The following SELENOI variants were observed in gnomAD, a reference collection of about 807,000 sequenced individuals.
SELENOI encodes selenoprotein I.
Under a neutral mutation model 50.7 loss-of-function variants are expected in SELENOI, and 24 were observed. The ratio of observed to expected loss-of-function variants is 0.47; its 90% CI spans 0.34 to 0.67. The LOEUF (loss-of-function observed/expected upper bound fraction) is 0.67. Among genes scored for constraint, SELENOI ranks in the 30% least tolerant of loss-of-function variants. The pLI is 0.01. For synonymous variants in SELENOI, 155 were observed against 170.2 expected (o/e 0.91, Z 0.70); for missense variants, 352 against 461.4 (o/e 0.76, Z 2.17).
chr2:26,357,224 A>T (rs529755228), intron 1 of SELENOI, among the ~76,000 whole-genome samples: 2 of 152,164 alleles, frequency 1.3e-5, no homozygotes, highest in Non-Finnish European at 2.9e-5. Flanking sequence ...TGAACTTCAT[A>T]TAAGTGGAAT....
chr2:26,361,439 T>A (rs34771649), intron 1 of SELENOI, among the ~76,000 whole-genome samples: 84,594 of 151,876 alleles, frequency 0.56, 25,138 homozygotes, highest in African/African-American at 0.72. Flanking sequence ...AATGTACTGT[T>A]ATTACATTTA....
chr2:26,371,957 C>G (rs1262238188), intron 4 of SELENOI, among the ~76,000 whole-genome samples: 1 of 152,138 alleles, frequency 6.6e-6, no homozygotes, highest in East Asian at 1.9e-4. Context: ...TATCTCTTAT[C>G]AGCTGAAATC....
In SELENOI at chr2:26,392,061, G is replaced by T. The variant is rs552169908; in HGVS notation, c.*2958G>T. ...TTCAAAAGAAAGCTAAATGCTGATT[G>T]TGGTTTAGGATGTTACAGTACTAAT... is the stretch of plus-strand genomic sequence containing the variant. On this transcript the variant is annotated 3_prime_UTR_variant, in exon 10 of 10. Transcript: ENST00000260585. 4.6e-5 allele frequency: 7 copies of T among 152,144 alleles called. No homozygotes were observed. The highest frequency in any genetic ancestry group is 7.3e-5 in the Non-Finnish European group (5 of 68,030). 9.4% of individuals were successfully genotyped at this position (152,144 alleles called of 1,614,324 possible).
rs1676739040 is a variant in SELENOI at position 26,346,167 on chromosome 2, T to TG, written c.-65dup. Reference sequence around the variant, plus strand: ...TGCCATCCTTGCCCAGCCGGTGTGGTGCTTGTGTGTCACAGCCTTGTAGCC... The same window carrying TG: ...TGCCATCCTTGCCCAGCCGGTGTGGTGGCTTGTGTGTCACAGCCTTGTAGCC... On this transcript the variant is annotated 5_prime_UTR_variant, in exon 1 of 10. Coordinates refer to ENST00000260585, the MANE Select transcript of SELENOI (RefSeq NM_033505.4). The TG allele has an allele frequency of 1.2e-6, 2 of 1,611,524 alleles. No individual in the cohort carries two copies. Among genetic ancestry groups the TG allele is most frequent in the East Asian group, 4.5e-5 (2 of 44,812 alleles).
chr2:26,351,300 C>T (rs530401266), intron 1 of SELENOI, among the ~76,000 whole-genome samples: 3 of 152,178 alleles, frequency 2.0e-5, no homozygotes, highest in South Asian at 2.1e-4. Flanking sequence ...TCAGGTGATC[C>T]GCCTGCCTTG....
chr2:26,354,858 C>T (rs1677034399), intron 1 of SELENOI, among the ~76,000 whole-genome samples: 1 of 152,102 alleles, frequency 6.6e-6, no homozygotes, highest in Admixed American at 6.6e-5. Context: ...GGCAAGCGGG[C>T]CTGAATTTAC....
At chr2:26,362,445 A>G (rs554268615) in intron 1 of SELENOI, among the ~76,000 whole-genome samples, 6 of 152,326 alleles carry the variant, frequency 3.9e-5, no homozygotes, top group African/African-American at 1.4e-4. Flanking sequence ...TTTTGTATAC[A>G]TACTGAACAC....
intron 4 of SELENOI, among the ~76,000 whole-genome samples, chr2:26,371,945 T>C (rs1677463898): frequency 1.3e-5 from 2 of 152,168 alleles, no homozygotes; most frequent in African/African-American, 2.4e-5. Context: ...GACATACTTC[T>C]TTATCTCTTA....
At chr2:26,381,355 A>G (rs1677697463) in intron 6 of SELENOI, among the ~76,000 whole-genome samples, 1 of 151,546 alleles carries the variant, frequency 6.6e-6, no homozygotes, top group Admixed American at 6.6e-5. Flanking sequence ...CTCTACTTGA[A>G]ACATAGAGCT....
At chr2:26,355,891 C>G (rs1387080117) in intron 1 of SELENOI, among the ~76,000 whole-genome samples, 1 of 151,780 alleles carries the variant, frequency 6.6e-6, no homozygotes, top group African/African-American at 2.4e-5. Flanking sequence ...CAGTCATACG[C>G]CACCACACCT....
rs568560077 is a variant in SELENOI at position 26,352,445 on chromosome 2, G to A, written c.57+6156G>A. Reference sequence around the variant, plus strand: ...CAGGTTGACCTGCACACTGAATTTAGCCAACAGTTATGTTTAATTTGGCCC... The same window carrying A: ...CAGGTTGACCTGCACACTGAATTTAACCAACAGTTATGTTTAATTTGGCCC... On this transcript the variant is annotated intron_variant, in intron 1 of 9. Coordinates refer to ENST00000260585, the MANE Select transcript of SELENOI (RefSeq NM_033505.4). Among the ~76,000 whole-genome samples, 3 of 152,300 alleles carry A rather than the reference G, an allele frequency of 2.0e-5. No homozygotes were observed. The East Asian group carries it at 5.8e-4, about 29-fold the overall frequency.
At chr2:26,378,928 T>C (rs1287694834) in intron 6 of SELENOI, among the ~76,000 whole-genome samples, 6 of 152,210 alleles carry the variant, frequency 3.9e-5, no homozygotes, top group Non-Finnish European at 8.8e-5. Flanking sequence ...TTGATGTATT[T>C]CTATAGCTGC....
intron 1 of SELENOI, among the ~76,000 whole-genome samples, chr2:26,347,975 A>G (rs373658882): frequency 5.3e-5 from 8 of 152,206 alleles, no homozygotes; most frequent in African/African-American, 7.2e-5. Context: ...CAAGCGTCCA[A>G]TGTTCACTAA....
chr2:26,364,454 C>A, intron 2 of SELENOI, 84 bp downstream of exon 2: 1 of 861,714 alleles, frequency 1.2e-6, no homozygotes, highest in Non-Finnish European at 1.8e-6. Context: ...ATAAATGCAA[C>A]TCTCAGTTTC....
At chr2:26,361,167 T>A (rs918366354) in intron 1 of SELENOI, among the ~76,000 whole-genome samples, 1 of 152,152 alleles carries the variant, frequency 6.6e-6, no homozygotes, top group Non-Finnish European at 1.5e-5. Flanking sequence ...TGAGCCAAGA[T>A]CGCGCCACTG....
rs1678033661 is a variant in SELENOI, at chr2:26,394,218, C to A, written c.*5115C>A. On this transcript the variant is annotated 3_prime_UTR_variant, in exon 10 of 10. Coordinates refer to ENST00000260585, the MANE Select transcript of SELENOI (RefSeq NM_033505.4). The surrounding 1 kb of genome is among the most constrained non-coding windows in gnomAD (Gnocchi z 4.1). ...CCAACCTGAGCAACATGGCGAAACC[C>A]CGTCTGTAATAAAAATACAAAAAAA... is the stretch of plus-strand genomic sequence containing the variant. 2 of 152,022 alleles carry A rather than the reference C, an allele frequency of 1.3e-5. No individual in the cohort carries two copies. Among genetic ancestry groups the A allele is most frequent in the African/African-American group, 4.8e-5 (2 of 41,380 alleles). 9.4% of individuals were successfully genotyped at this position (152,022 alleles called of 1,614,324 possible).
intron 1 of SELENOI, among the ~76,000 whole-genome samples, chr2:26,355,216 T>C (rs1458202421): frequency 1.3e-5 from 2 of 152,222 alleles, no homozygotes; most frequent in Non-Finnish European, 2.9e-5. Context: ...TCCACACTTA[T>C]ACACATCCCT....
At chr2:26,367,676 A>G (rs1677314636) in intron 4 of SELENOI, among the ~76,000 whole-genome samples, 2 of 152,216 alleles carry the variant, frequency 1.3e-5, no homozygotes, top group African/African-American at 2.4e-5. Context: ...TTGGGAAGCA[A>G]TACTGTCATA....
intron 1 of SELENOI, chr2:26,346,668 A>T (rs1295908229): frequency 6.1e-6 from 1 of 163,402 alleles, no homozygotes; most frequent in Admixed American, 6.4e-5. Context: ...TCATGCATAC[A>T]ACTTCGGAGG....
Sources: allele counts gnomAD v4.1 joint callset (sites outside exome capture counted in the v4.1 genomes callset), GRCh38; gene constraint gnomAD v4.1.1; non-coding constraint Gnocchi (gnomAD v3.1); transcripts MANE v1.5; gene names NCBI Gene and HGNC (gene_info 2026-07-23, HGNC 2026-07-21).